The following RNASEH2B variants were observed in gnomAD, a reference collection of about 807,000 sequenced individuals.
RNASEH2B encodes Aicardi-Goutieres syndrome 2 protein.
Under a neutral mutation model 45.0 loss-of-function variants are expected in RNASEH2B, and 36 were observed. That is an observed-to-expected ratio of 0.80 (90% CI 0.61 to 1.06). The LOEUF (loss-of-function observed/expected upper bound fraction) is 1.06, where lower values mean the gene tolerates loss of function less well. RNASEH2B is among the 50% of genes least tolerant of loss of function. RNASEH2B has a pLI of 0.00. For missense variants in RNASEH2B, 361 were observed against 360.3 expected (o/e 1.00, Z -0.02); for synonymous variants, 119 against 125.7 (o/e 0.95, Z 0.35).
downstream of RNASEH2B, chr13:50,959,795 G>A (rs969046157): frequency 2.5e-5 from 4 of 160,360 alleles, no homozygotes; most frequent in East Asian, 6.8e-4. Flanking sequence ...TCTAGAGAAT[G>A]TGTAATTATG....
At chr13:50,952,426 G>C (rs1299258854) in intron 9 of RNASEH2B, 1 of 151,756 alleles carries the variant, frequency 6.6e-6, no homozygotes, top group Non-Finnish European at 1.5e-5. Context: ...TTTTGAGACA[G>C]AGTCTTGCCG....
chr13:50,913,657 T>G (rs779597086), intron 1 of RNASEH2B, among the ~76,000 whole-genome samples: 4 of 152,188 alleles, frequency 2.6e-5, no homozygotes, highest in Non-Finnish European at 5.9e-5. Context: ...TGCAATAAAG[T>G]TATCCCCCTT....
At chr13:50,922,739 A>C (rs1053184251) in intron 1 of RNASEH2B, among the ~76,000 whole-genome samples, 3 of 152,236 alleles carry the variant, frequency 2.0e-5, no homozygotes, top group African/African-American at 7.2e-5. Flanking sequence ...TGAAGTGCTC[A>C]GTTTTGTTTT....
exon 10 of RNASEH2B, chr13:50,970,415 C>T (rs1171362551): frequency 3.6e-6 from 1 of 279,098 alleles, no homozygotes; most frequent in African/African-American, 2.2e-5. Flanking sequence ...TAAACGTTGG[C>T]ATTTTATCTC....
chr13:50,934,808 T>TA, intron 4 of RNASEH2B, 77 bp from the exon 5 acceptor site: 1 of 983,030 alleles, frequency 1.0e-6, no homozygotes, highest in Non-Finnish European at 1.6e-6. Flanking sequence ...AGCCATGAGT[T>TA]AATGTGTCTT....
At chr13:50,933,580 A>C (rs141031250) in intron 4 of RNASEH2B, among the ~76,000 whole-genome samples, 344 of 152,334 alleles carry the variant, frequency 2.3e-3, no homozygotes, top group African/African-American at 7.2e-3. Context: ...TTTTAACATC[A>C]GTAAAAATAA....
intron 9 of RNASEH2B, among the ~76,000 whole-genome samples, chr13:50,962,408 C>CT (rs1164609135): frequency 1.1e-4 from 16 of 148,028 alleles, no homozygotes; most frequent in East Asian, 1.0e-3. Flanking sequence ...TTCTAATTTT[C>CT]TTTTTTTTTC....
chr13:50,923,353 A>G (rs1003848364), intron 1 of RNASEH2B, among the ~76,000 whole-genome samples: 1 of 152,214 alleles, frequency 6.6e-6, no homozygotes, highest in Non-Finnish European at 1.5e-5. Context: ...AAATAGGATA[A>G]ACTCAAGGAG....
intron 1 of RNASEH2B, 67 bp from the exon 2 acceptor site, chr13:50,927,340 G>C: frequency 2.1e-6 from 2 of 932,260 alleles, no homozygotes; most frequent in South Asian, 1.3e-5. Context: ...AGGAAAACAG[G>C]GTAAAGTAAG....
chr13:50,958,636 G>A (rs556425185), downstream of RNASEH2B, among the ~76,000 whole-genome samples: 2 of 152,092 alleles, frequency 1.3e-5, no homozygotes, highest in East Asian at 3.9e-4. Flanking sequence ...AAAAATCACA[G>A]TAGTTACCTT....
chr13:50,945,413 T>G lies in RNASEH2B; in HGVS notation c.511-14T>G. On this transcript the variant is annotated splice_polypyrimidine_tract_variant and intron_variant, in intron 6 of 10. Transcript: ENST00000336617. ...TGAAAATACCCTGCCTTTCCCCTCT[T>G]GGTTGCTTCATAGGTTAATCAAACT... is the stretch of plus-strand genomic sequence containing the variant. 1 of 1,577,440 alleles carries G rather than the reference T, an allele frequency of 6.3e-7. No individual in the cohort carries two copies. The highest frequency in any genetic ancestry group is 8.7e-7 in the Non-Finnish European group (1 of 1,146,674).
At position 50,910,067 on chromosome 13, in the gene RNASEH2B, G is replaced by A; in HGVS notation, c.-10G>A. The A allele has an allele frequency of 2.1e-6, 3 of 1,463,002 alleles. No individual in the cohort carries two copies. Among genetic ancestry groups the A allele is most frequent in the Non-Finnish European group, 2.7e-6 (3 of 1,112,246 alleles). The allele number at this position is 1,463,002 out of a possible 1,614,324, so 90.6% of individuals were successfully genotyped here. A position where few individuals can be genotyped will look rare whatever the true frequency, so the allele number is the denominator to read the frequency against. ...GCTGAGCCTGCGGCGCCCCGGAAGA[G>A]GCGGGCGGCATGGCCGCTGGCGTGG... On this transcript the variant is annotated 5_prime_UTR_variant, in exon 1 of 11. Coordinates refer to ENST00000336617, the MANE Select transcript of RNASEH2B (RefSeq NM_024570.4).
chr13:50,922,114 G>T (rs1455226261), intron 1 of RNASEH2B, among the ~76,000 whole-genome samples: 1 of 152,148 alleles, frequency 6.6e-6, no homozygotes, highest in Non-Finnish European at 1.5e-5. Context: ...GGAGCTCAGA[G>T]CTTGCTCTGT....
Position 50,945,523 on chromosome 13 carries a change from G to C in RNASEH2B, c.607G>C (p.Asp203His). 1.2e-6 allele frequency: 2 copies of C among 1,609,066 alleles called. No individual in the cohort carries two copies. The highest frequency in any genetic ancestry group is 1.7e-6 in the Non-Finnish European group (2 of 1,175,514). ...TTTCTCTGGTGACCAAGCTTCCACT[G>C]ACAAGGAAGGTAAGTAAAGCATTTT... ...AFFSGDQAST[D>H]KEEDYIRYAH... Residue 203 changes from aspartate to histidine, a missense_variant, in exon 7 of 11, where the codon GAC becomes CAC. Coordinates refer to ENST00000336617, the MANE Select transcript of RNASEH2B (RefSeq NM_024570.4).
chr13:50,926,832 T>G, intron 1 of RNASEH2B, among the ~76,000 whole-genome samples: 1 of 98,186 alleles, frequency 1.0e-5, no homozygotes, highest in Non-Finnish European at 2.3e-5. Context: ...CCTCACAAAG[T>G]AGTAAAAAAA....
At chr13:50,926,811 A>G (rs1951603600) in intron 1 of RNASEH2B, among the ~76,000 whole-genome samples, 1 of 144,956 alleles carries the variant, frequency 6.9e-6, no homozygotes, top group African/African-American at 2.6e-5. Flanking sequence ...TATCCTTAGT[A>G]TATAAAGATA....
downstream of RNASEH2B, among the ~76,000 whole-genome samples, chr13:50,958,101 C>T (rs1952073995): frequency 6.6e-6 from 1 of 152,110 alleles, no homozygotes; most frequent in African/African-American, 2.4e-5. Flanking sequence ...TAATAAGGCC[C>T]CCACTTGTCA....
In RNASEH2B at chr13:50,949,525, A is replaced by G. The variant is rs375015766; in HGVS notation, c.741+20A>G. ...TCAAAGGTAAGAAGCTGTGACTAAG[A>G]TATCTTTGGGGGACTTAGAAAAATA... On this transcript the variant is annotated intron_variant, in intron 9 of 10. Coordinates refer to ENST00000336617, the MANE Select transcript of RNASEH2B (RefSeq NM_024570.4). 6.8e-6 allele frequency: 11 copies of G among 1,608,898 alleles called. No individual in the cohort carries two copies. Among genetic ancestry groups the G allele is most frequent in the Non-Finnish European group, 9.4e-6 (11 of 1,175,382 alleles).
intron 9 of RNASEH2B, among the ~76,000 whole-genome samples, chr13:50,962,662 CT>C (rs951163123): frequency 5.5e-4 from 84 of 152,200 alleles, no homozygotes; most frequent in African/African-American, 2.0e-3. Flanking sequence ...TGTCTTCTGG[CT>C]TGCATAATCT....
Sources: gnomAD v4.1 joint callset for allele counts (sites outside exome capture counted in the v4.1 genomes callset) on GRCh38, gnomAD v4.1.1 for gene constraint, MANE v1.5 for transcripts, NCBI Gene and HGNC (gene_info 2026-07-23, HGNC 2026-07-21) for gene names.